Variants in DGKZ observed in about 807,000 individuals in gnomAD.
DGKZ encodes the protein diacylglycerol kinase zeta, also known as DAG kinase zeta.
A neutral mutation model predicts 142.5 loss-of-function variants in DGKZ; 45 were observed. The ratio of observed to expected loss-of-function variants is 0.32; its 90% CI spans 0.25 to 0.40. DGKZ has a LOEUF of 0.40. DGKZ is among the 10% of genes least tolerant of loss of function. The pLI, the probability that DGKZ is intolerant of heterozygous loss-of-function variation, is 1.00. For missense variants in DGKZ, 755 were observed against 1,306.5 expected (o/e 0.58, Z 6.51); for synonymous variants, 442 against 527.0 (o/e 0.84, Z 2.21).
intron 1 of DGKZ, among the ~76,000 whole-genome samples, chr11:46,335,292 G>T (rs550743830): frequency 1.3e-5 from 2 of 149,548 alleles, no homozygotes; most frequent in Admixed American, 6.6e-5. Flanking sequence ...CTAGCCTGGC[G>T]ACAGAGGGTG....
chr11:46,337,845 C>G (rs780133966), intron 1 of DGKZ, among the ~76,000 whole-genome samples: 3 of 151,774 alleles, frequency 2.0e-5, no homozygotes, highest in Non-Finnish European at 4.4e-5. Context: ...ATGTGGCTGG[C>G]GGAGGGCTTC....
chr11:46,333,578 C>A, intron 1 of DGKZ: 1 of 1,232,408 alleles, frequency 8.1e-7, no homozygotes, highest in Non-Finnish European at 1.1e-6. Flanking sequence ...GCGCCCGCCG[C>A]CTGCCTGGCG....
In DGKZ at chr11:46,369,796, AAG is replaced by A. The variant is rs887977795; in HGVS notation, c.502-140_502-139del. 29 of 955,858 alleles carry A rather than the reference AAG, an allele frequency of 3.0e-5. 1 individual carries two copies. Among genetic ancestry groups the A allele is most frequent in the Non-Finnish European group, 3.7e-5 (23 of 619,254 alleles). 59.2% of individuals were successfully genotyped at this position (955,858 alleles called of 1,614,324 possible). Reference sequence around the variant, plus strand: ...GAGTCTGAGCCTCCCCCAGGCCATGAAGAGAGTCTTTAGCCCCTCCTCCACTC... The same window carrying A: ...GAGTCTGAGCCTCCCCCAGGCCATGAAGAGTCTTTAGCCCCTCCTCCACTC... On this transcript the variant is annotated intron_variant, in intron 5 of 30. Transcript: ENST00000527911.
chr11:46,369,658 T>C (rs988356665), intron 5 of DGKZ, 108 bp downstream of exon 5: 148 of 1,423,130 alleles, frequency 1.0e-4, no homozygotes, highest in Non-Finnish European at 1.4e-4. Flanking sequence ...TCTAGGCTGC[T>C]GCTCACTGAG....
At chr11:46,377,386 C>G in intron 25 of DGKZ, 174 bp downstream of exon 25, 2 of 1,236,690 alleles carry the variant, frequency 1.6e-6, no homozygotes, top group Non-Finnish European at 2.2e-6. Flanking sequence ...GGGAAGCGGC[C>G]TCACGTCCAC....
At chr11:46,373,289 T>TG (rs1944175170) in intron 14 of DGKZ, among the ~76,000 whole-genome samples, 188 bp downstream of exon 14, 1 of 140,074 alleles carries the variant, frequency 7.1e-6, no homozygotes, top group Non-Finnish European at 1.5e-5. Context: ...TTTTTTGTTT[T>TG]TTTTTTTTTT....
chr11:46,373,080 A>C, exon 14 of DGKZ: 1 of 1,544,048 alleles, frequency 6.5e-7, no homozygotes, highest in East Asian at 2.4e-5. Flanking sequence ...CTGAGGACCG[A>C]GATGAAGGCG....
exon 1 of DGKZ, chr11:46,333,202 G>A (rs2136370187): frequency 8.4e-7 from 1 of 1,197,466 alleles, no homozygotes; most frequent in Non-Finnish European, 1.0e-6. Flanking sequence ...TCCCCGGCCC[G>A]GGCGGACTGG....
At chr11:46,366,895 G>A in intron 1 of DGKZ, 1 of 1,548,446 alleles carries the variant, frequency 6.5e-7, no homozygotes, top group Admixed American at 1.9e-5. Context: ...GCACCATGCT[G>A]CCCACCCGTG....
At chr11:46,360,634 A>C (rs1942540723) in intron 1 of DGKZ, among the ~76,000 whole-genome samples, 1 of 152,120 alleles carries the variant, frequency 6.6e-6, no homozygotes. Flanking sequence ...AAAAATACAA[A>C]AATTAGCTGG....
chr11:46,347,255 C>T (rs116204748), upstream of DGKZ, among the ~76,000 whole-genome samples: 1,206 of 152,190 alleles, frequency 7.9e-3, 8 homozygotes, highest in African/African-American at 0.028. The surrounding 1 kb of genome is among the most constrained non-coding windows in gnomAD (Gnocchi z 6.4). Flanking sequence ...CCCATCCAGG[C>T]GGGCCGGGCC....
chr11:46,377,242 C>T (rs746604089), intron 25 of DGKZ, 30 bp downstream of exon 25: 23 of 1,548,356 alleles, frequency 1.5e-5, no homozygotes, highest in Non-Finnish European at 1.8e-5. Context: ...CCCTCCAGCC[C>T]CTGGCTTTCA....
At position 46,370,023 on chromosome 11, in the gene DGKZ, C is replaced by T. The variant is rs751520321; in HGVS notation, c.570+14C>T. 3 of 1,613,502 alleles carry T rather than the reference C, an allele frequency of 1.9e-6. No homozygotes were observed. The East Asian group carries it at 6.7e-5, about 36-fold the overall frequency. Reference sequence around the variant, plus strand: ...CACTGTGGGAAGGTGAGAGGCCCTGCCCGAGGACATCGCCACCTGCACCTG... The same window carrying T: ...CACTGTGGGAAGGTGAGAGGCCCTGTCCGAGGACATCGCCACCTGCACCTG... On this transcript the variant is annotated intron_variant, in intron 6 of 30. Coordinates refer to ENST00000527911, the Ensembl canonical transcript of DGKZ.
exon 31 of DGKZ, chr11:46,379,886 A>C (rs755375241): frequency 6.2e-7 from 1 of 1,610,096 alleles, no homozygotes; most frequent in Non-Finnish European, 8.5e-7. Flanking sequence ...CTGGCCGCCT[A>C]CCTGGAGAAC....
intron 4 of DGKZ, chr11:46,368,357 A>G (rs2136468135): frequency 6.3e-6 from 3 of 472,758 alleles, no homozygotes; most frequent in Middle Eastern, 3.8e-4. Context: ...CCCTTGTACC[A>G]TTTCACCATG....
chr11:46,370,304 T>C (rs1943800759), intron 6 of DGKZ, among the ~76,000 whole-genome samples: 1 of 152,278 alleles, frequency 6.6e-6, no homozygotes. Context: ...GGTGACTCCA[T>C]GGATACTTGT....
chr11:46,372,244 C>T lies in DGKZ; in HGVS notation c.927+74C>T. On this transcript the variant is annotated intron_variant, in intron 10 of 30. Transcript: ENST00000527911. This position sits in a 1 kb window ranked among gnomAD's most constrained non-coding sequence, Gnocchi z 5.9. Reference sequence around the variant, plus strand: ...TCCAGCCCGTCTGCCAGCAGCTGTTCCCAGAGCCCGTTTCTGGCTTCTACC... The same window carrying T: ...TCCAGCCCGTCTGCCAGCAGCTGTTTCCAGAGCCCGTTTCTGGCTTCTACC... 6.9e-7 allele frequency: 1 copy of T among 1,440,368 alleles called. No homozygotes were observed. Among genetic ancestry groups the T allele is most frequent in the Non-Finnish European group, 9.4e-7 (1 of 1,060,136 alleles). The allele number at this position is 1,440,368 out of a possible 1,614,324, so 89.2% of individuals were successfully genotyped here.
upstream of DGKZ, among the ~76,000 whole-genome samples, chr11:46,343,487 A>T (rs1940378123): frequency 1.3e-5 from 2 of 152,234 alleles, no homozygotes; most frequent in South Asian, 4.1e-4. Flanking sequence ...ACAGTAACAA[A>T]CACATATACA....
intron 27 of DGKZ, 110 bp from the exon 28 acceptor site, chr11:46,378,881 G>A (rs1360101778): frequency 8.3e-6 from 12 of 1,442,194 alleles, no homozygotes; most frequent in African/African-American, 7.1e-5. Context: ...ATGTGTGAGC[G>A]CACTCGTTTC....
Sources: gnomAD v4.1 joint callset for allele counts (sites outside exome capture counted in the v4.1 genomes callset) on GRCh38, gnomAD v4.1.1 for gene constraint, Gnocchi (gnomAD v3.1) non-coding constraint, MANE v1.5 for transcripts, NCBI Gene and HGNC (gene_info 2026-07-23, HGNC 2026-07-21) for gene names.